Variants in PRRT1B observed in about 807,000 individuals in gnomAD.
PRRT1B encodes the protein dispanin subfamily D member 2.
At chr9:131,553,122 T>C (rs1343134207) in intron 1 of PRRT1B, among the ~76,000 whole-genome samples, 1 of 152,180 alleles carries the variant, frequency 6.6e-6, no homozygotes, top group African/African-American at 2.4e-5. Context: ...TAAAAAATGG[T>C]GCTAAATATG....
chr9:131,552,655 G>GC (rs1951019088), intron 1 of PRRT1B, among the ~76,000 whole-genome samples: 2 of 131,908 alleles, frequency 1.5e-5, no homozygotes, highest in African/African-American at 7.7e-5. Context: ...CATGCAGTTT[G>GC]GGGGGGAGCC....
chr9:131,559,297 G>A (rs545286056), downstream of PRRT1B, among the ~76,000 whole-genome samples: 24 of 152,328 alleles, frequency 1.6e-4, no homozygotes, highest in South Asian at 5.0e-3. Flanking sequence ...ACAAAAATTA[G>A]CCGAGTGTAG....
At chr9:131,556,633 ATC>A (rs895137647) in intron 3 of PRRT1B, among the ~76,000 whole-genome samples, 1 of 149,004 alleles carries the variant, frequency 6.7e-6, no homozygotes, top group Non-Finnish European at 1.5e-5. Flanking sequence ...CCCATCCACC[ATC>A]TCTCTCTTTT....
At chr9:131,547,991 C>T (rs1214046319) in intron 1 of PRRT1B, among the ~76,000 whole-genome samples, 2 of 152,122 alleles carry the variant, frequency 1.3e-5, no homozygotes, top group Admixed American at 6.5e-5. Context: ...TTAATCATTG[C>T]GGGGACTCCT....
intron 1 of PRRT1B, among the ~76,000 whole-genome samples, chr9:131,546,052 G>A (rs952297362): frequency 1.3e-5 from 2 of 152,148 alleles, no homozygotes; most frequent in Admixed American, 1.3e-4. Context: ...AGCTCTGGGG[G>A]CGCCCCTGCG....
intron 1 of PRRT1B, among the ~76,000 whole-genome samples, chr9:131,546,636 C>T (rs1260410568): frequency 6.6e-6 from 1 of 150,582 alleles, no homozygotes; most frequent in Non-Finnish European, 1.5e-5. Context: ...GCCCCGCCCT[C>T]CAGGACTCCC....
intron 1 of PRRT1B, among the ~76,000 whole-genome samples, chr9:131,553,487 G>A (rs938403747): frequency 2.6e-5 from 4 of 152,202 alleles, no homozygotes; most frequent in African/African-American, 9.7e-5. Flanking sequence ...GGGGCCATGA[G>A]TGAGCCCCTA....
chr9:131,549,817 C>T (rs538249635), intron 1 of PRRT1B, among the ~76,000 whole-genome samples: 1 of 152,288 alleles, frequency 6.6e-6, no homozygotes, highest in Admixed American at 6.5e-5. Context: ...TTAGTTATCC[C>T]CACATGCCCA....
chr9:131,552,238 T>A (rs1951016742), intron 1 of PRRT1B, among the ~76,000 whole-genome samples: 1 of 152,150 alleles, frequency 6.6e-6, no homozygotes, highest in Non-Finnish European at 1.5e-5. Flanking sequence ...TGGAGTGCAG[T>A]GGTTCAATCA....
chr9:131,546,079 G>A (rs1950972668), intron 1 of PRRT1B, among the ~76,000 whole-genome samples: 1 of 152,158 alleles, frequency 6.6e-6, no homozygotes, highest in Non-Finnish European at 1.5e-5. Flanking sequence ...CCAGGGAGGG[G>A]GCAGCGGCGG....
chr9:131,547,432 C>G (rs1383841369), intron 1 of PRRT1B, among the ~76,000 whole-genome samples: 2 of 152,138 alleles, frequency 1.3e-5, no homozygotes, highest in Non-Finnish European at 2.9e-5. Flanking sequence ...GACTCCCACC[C>G]CTGCCCACCA....
chr9:131,559,416 G>A (rs1175028466), downstream of PRRT1B, among the ~76,000 whole-genome samples: 1 of 152,234 alleles, frequency 6.6e-6, no homozygotes, highest in African/African-American at 2.4e-5. Flanking sequence ...ACTCCAGCCT[G>A]GGTGACAGAG....
At chr9:131,547,995 GA>G (rs1950986919) in intron 1 of PRRT1B, among the ~76,000 whole-genome samples, 1 of 152,154 alleles carries the variant, frequency 6.6e-6, no homozygotes, top group Non-Finnish European at 1.5e-5. Flanking sequence ...TCATTGCGGG[GA>G]CTCCTGCCTG....
At chr9:131,553,980 T>C (rs565220908) in intron 1 of PRRT1B, among the ~76,000 whole-genome samples, 4 of 152,304 alleles carry the variant, frequency 2.6e-5, no homozygotes, top group East Asian at 3.9e-4. Context: ...CTCTGAGCCC[T>C]GGCTTCAAGC....
At chr9:131,547,065 C>CTTTT (rs549825970) in intron 1 of PRRT1B, among the ~76,000 whole-genome samples, 1,011 of 100,558 alleles carry the variant, frequency 0.01, 75 homozygotes, top group African/African-American at 0.018. Context: ...CTCCTGTTCG[C>CTTTT]TTTTTTTTTT....
At chr9:131,558,198 C>T (rs563827559) in exon 4 of PRRT1B, 1 of 401,064 alleles carries the variant, frequency 2.5e-6, no homozygotes, top group South Asian at 1.3e-4. Flanking sequence ...CTCTACCTTC[C>T]CTGAGGCTGT....
At chr9:131,548,041 C>T (rs897621280) in intron 1 of PRRT1B, among the ~76,000 whole-genome samples, 1 of 152,182 alleles carries the variant, frequency 6.6e-6, no homozygotes, top group African/African-American at 2.4e-5. Context: ...ATCTGATCTC[C>T]GTGGGGACGC....
intron 1 of PRRT1B, among the ~76,000 whole-genome samples, chr9:131,550,935 T>C: frequency 1.2e-5 from 1 of 82,948 alleles, no homozygotes; most frequent in African/African-American, 4.2e-5. Context: ...TTTCTTTTCT[T>C]TTTCTTTTTT....
At chr9:131,553,382 A>G (rs1348900560) in intron 1 of PRRT1B, among the ~76,000 whole-genome samples, 3 of 152,258 alleles carry the variant, frequency 2.0e-5, no homozygotes, top group Admixed American at 1.3e-4. Flanking sequence ...AGCACGTCAC[A>G]TGGTCAAGCC....
Sources: gnomAD v4.1 joint callset for allele counts (sites outside exome capture counted in the v4.1 genomes callset) on GRCh38, gnomAD v4.1.1 for gene constraint, MANE v1.5 for transcripts, NCBI Gene and HGNC (gene_info 2026-07-23, HGNC 2026-07-21) for gene names.